Variants in SHANK2 observed in about 807,000 individuals in gnomAD.
SHANK2 encodes SH3 and multiple ankyrin repeat domains 2.
Under a neutral mutation model 133.7 loss-of-function variants are expected in SHANK2, and 43 were observed. That is an observed-to-expected ratio of 0.32 (90% confidence interval 0.25 to 0.41). The LOEUF is 0.41. Among genes scored for constraint, SHANK2 ranks in the 10% least tolerant of loss-of-function variants. The probability of loss-of-function intolerance (pLI) is 1.00; values close to 1 mark genes in which losing one functional copy is unlikely to be tolerated. For synonymous variants in SHANK2, 1,017 were observed against 952.8 expected (o/e 1.07, Z -1.24); for missense variants, 1,994 against 2,235.8 (o/e 0.89, Z 2.18).
In SHANK2 at chr11:70,535,098, G is replaced by T. The variant is rs2059527138; in HGVS notation, c.2062-32167C>A. On this transcript the variant is annotated intron_variant, in intron 17 of 25. Coordinates refer to ENST00000601538, the MANE Select transcript of SHANK2 (RefSeq NM_012309.5). The surrounding 1 kb of genome is among the most constrained non-coding windows in gnomAD (Gnocchi z 4.3). ...ACCTGGAGGGAAGACTGGCTTTGGG[G>T]CAGGTGAGGCAGGCACATGAAGTAG... Among the ~76,000 whole-genome samples the T allele has an allele frequency of 1.3e-5, 2 of 152,190 alleles. No individual in the cohort carries two copies. The highest frequency in any genetic ancestry group is 6.5e-5 in the Admixed American group (1 of 15,286).
intron 11 of SHANK2, among the ~76,000 whole-genome samples, chr11:70,841,795 T>C (rs1395806096): frequency 1.3e-5 from 2 of 152,184 alleles, no homozygotes; most frequent in Admixed American, 6.5e-5. Flanking sequence ...AAGCATGCAG[T>C]GCCACTTCTG....
In SHANK2 at chr11:71,135,325, G is replaced by A. The variant is rs529458477; in HGVS notation, c.207+11795C>T. On this transcript the variant is annotated intron_variant, in intron 3 of 25. Transcript: ENST00000601538. ...CCTGCACTAGGTGTCCTTGTGGAGC[G>A]GAATTGCTGCCCAGCTGCCCCCCAG... Among the ~76,000 whole-genome samples the A allele has an allele frequency of 1.3e-4, 20 of 152,254 alleles. No individual in the cohort carries two copies. In the South Asian group the frequency reaches 2.3e-3, roughly 17 times the overall value.
intron 12 of SHANK2, among the ~76,000 whole-genome samples, chr11:70,812,588 C>A (rs145141600): frequency 6.6e-6 from 1 of 152,278 alleles, no homozygotes; most frequent in East Asian, 1.9e-4. Flanking sequence ...GTGTCTTATC[C>A]TTGTGATGTC....
intron 2 of SHANK2, among the ~76,000 whole-genome samples, chr11:71,154,014 T>G (rs1443706226): frequency 1.1e-5 from 1 of 89,236 alleles, no homozygotes; most frequent in African/African-American, 7.9e-5. Context: ...AGTTTCCTCA[T>G]CTGAACTCTG....
At chr11:70,724,420 G>A (rs1418918612) in intron 14 of SHANK2, among the ~76,000 whole-genome samples, 1 of 152,144 alleles carries the variant, frequency 6.6e-6, no homozygotes, top group Non-Finnish European at 1.5e-5. Context: ...GTGTGTGTAT[G>A]CATGTGCCTG....
At chr11:70,677,211 G>A (rs1003987282) in intron 15 of SHANK2, among the ~76,000 whole-genome samples, 1 of 152,216 alleles carries the variant, frequency 6.6e-6, no homozygotes, top group African/African-American at 2.4e-5. Flanking sequence ...GAGGCCAGAC[G>A]CTGCCTCTGC....
intron 14 of SHANK2, among the ~76,000 whole-genome samples, chr11:70,730,631 A>C (rs1555031926): frequency 6.6e-6 from 1 of 152,132 alleles, no homozygotes; most frequent in Non-Finnish European, 1.5e-5. Context: ...TGGTCCCTGC[A>C]GATGAGCAGC....
At chr11:71,093,060 G>GC (rs1436661520) in intron 7 of SHANK2, among the ~76,000 whole-genome samples, 2 of 141,446 alleles carry the variant, frequency 1.4e-5, no homozygotes, top group Admixed American at 1.4e-4. Context: ...AAGGGGGGGG[G>GC]GGGCAGGTAT....
chr11:70,789,252 A>C (rs939806858), intron 14 of SHANK2, among the ~76,000 whole-genome samples: 1 of 152,210 alleles, frequency 6.6e-6, no homozygotes, highest in African/African-American at 2.4e-5. Flanking sequence ...TACGAGGCTC[A>C]AATGAGGTCC....
chr11:70,837,004 G>A (rs550229448), intron 11 of SHANK2, among the ~76,000 whole-genome samples: 5 of 152,292 alleles, frequency 3.3e-5, no homozygotes, highest in Middle Eastern at 3.4e-3. Flanking sequence ...CACCATGGGA[G>A]GGCTCAACCA....
intron 14 of SHANK2, among the ~76,000 whole-genome samples, chr11:70,784,182 T>TC (rs1406096929): frequency 6.8e-6 from 1 of 146,604 alleles, no homozygotes; most frequent in Non-Finnish European, 1.5e-5. Context: ...AACCCCTGCT[T>TC]TTTTTTTTTT....
intron 14 of SHANK2, among the ~76,000 whole-genome samples, chr11:70,744,363 A>C (rs1946595251): frequency 6.6e-6 from 1 of 151,944 alleles, no homozygotes; most frequent in Non-Finnish European, 1.5e-5. Flanking sequence ...CATGTGGGGA[A>C]CCCTGCCGGG....
chr11:71,227,714 A>C (rs1472681468), intron 1 of SHANK2, among the ~76,000 whole-genome samples: 1 of 152,168 alleles, frequency 6.6e-6, no homozygotes, highest in Non-Finnish European at 1.5e-5. Context: ...AACAAGATCA[A>C]AGTGATAGTT....
At chr11:70,822,850 C>T (rs537351197) in intron 11 of SHANK2, among the ~76,000 whole-genome samples, 3 of 92,982 alleles carry the variant, frequency 3.2e-5, no homozygotes, top group Non-Finnish European at 6.4e-5. Flanking sequence ...TCAGAGGTGG[C>T]GTTGGCAGAG....
intron 17 of SHANK2, among the ~76,000 whole-genome samples, chr11:70,554,891 C>A (rs143154531): frequency 7.6e-6 from 1 of 131,896 alleles, no homozygotes; most frequent in Non-Finnish European, 1.6e-5. Context: ...TTGCACTTCA[C>A]GAACATTGCA....
chr11:70,884,919 C>T (rs1387810499), intron 11 of SHANK2, among the ~76,000 whole-genome samples: 1 of 152,082 alleles, frequency 6.6e-6, no homozygotes, highest in Non-Finnish European at 1.5e-5. Context: ...TGGGGTTTCA[C>T]CATGTTGGCC....
rs554208670 is a variant in SHANK2, at chr11:71,147,196, G to A, written c.131C>T (p.Pro44Leu). The part of the protein sequence containing the change: ...YDTIRATAEK[P>L]GGARTEESQG... ...GCTCTCCTCCGTCCTGGCACCGCCCGGCTTCTCCGCAGTGGCCCGGATCGT... is the reference window on the plus strand; with the variant it reads ...GCTCTCCTCCGTCCTGGCACCGCCCAGCTTCTCCGCAGTGGCCCGGATCGT... Residue 44 changes from proline (P) to leucine (L), a missense_variant, in exon 3 of 26, where the codon CCG becomes CTG. Coordinates refer to ENST00000601538, the MANE Select transcript of SHANK2 (RefSeq NM_012309.5). The A allele has an allele frequency of 2.5e-5, 38 of 1,550,800 alleles. 1 individual carries two copies. The South Asian group carries it at 2.6e-4, about 11-fold the overall frequency.
At chr11:70,620,285 T>C (rs139874127) in intron 17 of SHANK2, among the ~76,000 whole-genome samples, 1 of 152,258 alleles carries the variant, frequency 6.6e-6, no homozygotes, top group East Asian at 1.9e-4. Flanking sequence ...CTCTTCTCTT[T>C]CCCAAGGCAG....
chr11:70,785,675 C>T (rs1555046309), intron 14 of SHANK2, among the ~76,000 whole-genome samples: 1 of 152,194 alleles, frequency 6.6e-6, no homozygotes, highest in African/African-American at 2.4e-5. Context: ...CCGGAGCTGC[C>T]GTTAGTCTCA....
Sources: gnomAD v4.1 joint callset for allele counts (sites outside exome capture counted in the v4.1 genomes callset) on GRCh38, gnomAD v4.1.1 for gene constraint, Gnocchi (gnomAD v3.1) non-coding constraint, MANE v1.5 for transcripts, NCBI Gene and HGNC (gene_info 2026-07-23, HGNC 2026-07-21) for gene names.